RANBP2: variants seen among roughly 807,000 people sequenced by gnomAD.
RANBP2 encodes RAN binding protein 2.
Under a neutral mutation model 303.6 loss-of-function variants are expected in RANBP2, and 57 were observed. That is an observed-to-expected ratio of 0.19 (90% CI 0.15 to 0.23). RANBP2 has a LOEUF of 0.23. Among genes scored for constraint, RANBP2 ranks in the 10% least tolerant of loss-of-function variants. The pLI is 1.00. For synonymous variants in RANBP2, 1,167 were observed against 1,301.5 expected (o/e 0.90, Z 2.23); for missense variants, 3,138 against 3,780.8 (o/e 0.83, Z 4.46).
At chr2:109,012,411 C>T in the RANBP2 span, among the ~76,000 whole-genome samples, 2 of 152,120 alleles carry the variant, frequency 1.3e-5, no homozygotes, top group South Asian at 2.1e-4. Flanking sequence ...CTTGAGAGCC[C>T]CCACAGAATC....
chr2:108,823,315 A>C, the RANBP2 span, among the ~76,000 whole-genome samples: 5 of 152,188 alleles, frequency 3.3e-5, no homozygotes, highest in African/African-American at 7.2e-5. Flanking sequence ...CCTGATACCA[A>C]AGCTAGACAA....
At chr2:109,685,166 C>A in the RANBP2 span, among the ~76,000 whole-genome samples, 11 of 152,220 alleles carry the variant, frequency 7.2e-5, no homozygotes, top group African/African-American at 2.4e-4. Flanking sequence ...AGCCACCGCG[C>A]CCAGCCCTCT....
At chr2:109,261,629 A>AG in the RANBP2 span, among the ~76,000 whole-genome samples, 1 of 152,198 alleles carries the variant, frequency 6.6e-6, no homozygotes, top group African/African-American at 2.4e-5. Context: ...TTCAGTGTTC[A>AG]TTGAGACTCT....
chr2:109,238,449 TTGTGTGTGTGTGTGTGTGTGTG>T, the RANBP2 span, among the ~76,000 whole-genome samples: 6,818 of 142,694 alleles, frequency 0.048, 480 homozygotes, highest in African/African-American at 0.16. Flanking sequence ...TTATGTATAT[TTGTGTGTGTGTGTGTGTGTGTG>T]TGTGTGTGTG....
At chr2:109,678,724 G>A in the RANBP2 span, among the ~76,000 whole-genome samples, 1 of 152,142 alleles carries the variant, frequency 6.6e-6, no homozygotes, top group East Asian at 1.9e-4. Context: ...CTTTCCTTCT[G>A]GTAACTACTA....
the RANBP2 span, among the ~76,000 whole-genome samples, chr2:109,121,391 T>C: frequency 6.6e-6 from 1 of 152,192 alleles, no homozygotes; most frequent in Non-Finnish European, 1.5e-5. Context: ...AAAAAATCCT[T>C]CACTTGCACT....
the RANBP2 span, among the ~76,000 whole-genome samples, chr2:109,294,284 G>T: frequency 6.6e-6 from 1 of 152,270 alleles, no homozygotes; most frequent in African/African-American, 2.4e-5. Flanking sequence ...TTGCTGTGCC[G>T]TGTGCGGTGG....
chr2:109,671,232 G>A, the RANBP2 span, among the ~76,000 whole-genome samples: 1 of 152,212 alleles, frequency 6.6e-6, no homozygotes, highest in Non-Finnish European at 1.5e-5. Flanking sequence ...GCCTCGCTGT[G>A]AGTTGGTGGT....
chr2:109,302,772 C>T, the RANBP2 span, among the ~76,000 whole-genome samples: 4 of 152,140 alleles, frequency 2.6e-5, no homozygotes, highest in Admixed American at 6.5e-5. Context: ...ACCTGCCTCT[C>T]GGAGGCTGAA....
chr2:109,255,739 T>G, the RANBP2 span, among the ~76,000 whole-genome samples: 1 of 152,238 alleles, frequency 6.6e-6, no homozygotes, highest in Non-Finnish European at 1.5e-5. Flanking sequence ...AAGCTACTTC[T>G]AGGGCCAGAA....
chr2:109,716,248 TA>T, the RANBP2 span, among the ~76,000 whole-genome samples: 53 of 151,622 alleles, frequency 3.5e-4, no homozygotes, highest in African/African-American at 1.2e-3. Context: ...TTATTTTTTT[TA>T]AAAAAAATTT....
chr2:109,565,654 C>A, the RANBP2 span: 2 of 975,382 alleles, frequency 2.1e-6, no homozygotes, highest in Non-Finnish European at 3.2e-6. Context: ...GCCAATTCCT[C>A]TGACAACCAA....
chr2:109,072,857 C>T, the RANBP2 span, among the ~76,000 whole-genome samples: 2 of 152,126 alleles, frequency 1.3e-5, no homozygotes, highest in African/African-American at 4.8e-5. Context: ...GTACTTGGCA[C>T]ACTCTAGTCT....
At chr2:108,757,964 C>T (rs933298918) in intron 17 of RANBP2, among the ~76,000 whole-genome samples, 2 of 152,106 alleles carry the variant, frequency 1.3e-5, no homozygotes, top group African/African-American at 4.8e-5. Flanking sequence ...AAAATCAGCA[C>T]CAGGTACCTA....
the RANBP2 span, among the ~76,000 whole-genome samples, chr2:109,073,238 C>T: frequency 3.9e-5 from 6 of 151,960 alleles, no homozygotes; most frequent in Non-Finnish European, 7.4e-5. Flanking sequence ...ACAGAAATCA[C>T]GGAGCTGAAG....
chr2:109,574,257 C>G, the RANBP2 span, among the ~76,000 whole-genome samples: 1 of 151,032 alleles, frequency 6.6e-6, no homozygotes, highest in Admixed American at 6.6e-5. Context: ...GGGCAACATA[C>G]CAAGACATCC....
chr2:108,884,821 C>T, the RANBP2 span: 1 of 152,238 alleles, frequency 6.6e-6, no homozygotes, highest in East Asian at 1.9e-4. Context: ...AGGCTTGTCA[C>T]TCCTGGGTGC....
the RANBP2 span, among the ~76,000 whole-genome samples, chr2:109,451,195 C>T: frequency 3.4e-3 from 525 of 152,328 alleles, 19 homozygotes; most frequent in East Asian, 0.061. Context: ...CCTAACAGGG[C>T]GCCTGGCATG....
At chr2:109,419,718 T>C in the RANBP2 span, 128 of 1,400,182 alleles carry the variant, frequency 9.1e-5, 3 homozygotes, top group South Asian at 1.5e-3. Context: ...TGTCCACGTG[T>C]GGTTTCCGCA....
Sources: allele counts gnomAD v4.1 joint callset (sites outside exome capture counted in the v4.1 genomes callset), GRCh38; gene constraint gnomAD v4.1.1; transcripts MANE v1.5; gene names NCBI Gene and HGNC (gene_info 2026-07-23, HGNC 2026-07-21).